The following BACH2 variants were observed in gnomAD, a reference collection of about 807,000 sequenced individuals.
BACH2 encodes transcription regulator protein BACH2.
Under a neutral mutation model 61.8 loss-of-function variants are expected in BACH2, and 5 were observed. That is an observed-to-expected ratio of 0.08 (90% CI 0.04 to 0.17). The LOEUF (loss-of-function observed/expected upper bound fraction) is 0.17. Ranked by LOEUF, BACH2 falls within the 10% of genes least tolerant of loss-of-function variation. The pLI, the probability that BACH2 is intolerant of heterozygous loss-of-function variation, is 1.00. For missense variants in BACH2, 824 were observed against 1,091.1 expected, an observed-to-expected ratio of 0.76 and a Z score of 3.45; for synonymous variants, 446 against 440.1, an observed-to-expected ratio of 1.01 and a Z score of -0.17.
chr6:90,082,047 CAAG>C (rs1393193667), intron 5 of BACH2, among the ~76,000 whole-genome samples: 1 of 152,138 alleles, frequency 6.6e-6, no homozygotes, highest in Non-Finnish European at 1.5e-5. Flanking sequence ...GTTCACAGCA[CAAG>C]AAGGCATATA....
At chr6:90,084,876 A>C (rs1388519349) in intron 5 of BACH2, among the ~76,000 whole-genome samples, 1 of 152,018 alleles carries the variant, frequency 6.6e-6, no homozygotes, top group East Asian at 1.9e-4. Context: ...GAAACCATGG[A>C]TCCTTATAGA....
At chr6:90,183,344 T>C (rs760442537) in intron 4 of BACH2, among the ~76,000 whole-genome samples, 19 of 152,256 alleles carry the variant, frequency 1.2e-4, no homozygotes, top group African/African-American at 2.4e-5. Flanking sequence ...GTTTATGCCT[T>C]GACCAAATGT....
intron 5 of BACH2, among the ~76,000 whole-genome samples, chr6:90,029,572 T>C (rs558494857): frequency 1.3e-5 from 2 of 152,338 alleles, no homozygotes; most frequent in African/African-American, 4.8e-5. Context: ...GTTAATGACC[T>C]ATTTTTCTAT....
chr6:90,294,903 T>C (rs1366885957), intron 1 of BACH2, among the ~76,000 whole-genome samples: 1 of 152,226 alleles, frequency 6.6e-6, no homozygotes, highest in Non-Finnish European at 1.5e-5. Flanking sequence ...AATTTTACTC[T>C]AAACAGACAA....
intron 4 of BACH2, among the ~76,000 whole-genome samples, chr6:90,153,236 A>T (rs1784889541): frequency 6.6e-6 from 1 of 152,194 alleles, no homozygotes; most frequent in Non-Finnish European, 1.5e-5. Context: ...TACTGGTATC[A>T]ATTCATAGTC....
At position 90,039,464 on chromosome 6, in the gene BACH2, A is replaced by C. The variant is rs1025420129; in HGVS notation, c.-12-30608T>G. ...CAGAGGCGCGATCTTGGCTCAGTGC[A>C]ATGTCCGCGTCCCAGGTTCAAGCGA... On this transcript the variant is annotated intron_variant, in intron 5 of 8. Coordinates refer to ENST00000257749, the MANE Select transcript of BACH2 (RefSeq NM_021813.4). 3.7e-4 allele frequency among the ~76,000 whole-genome samples: 57 copies of C among 152,120 alleles called. 1 individual carries two copies. Among genetic ancestry groups the C allele is most frequent in the Admixed American group, 3.1e-3 (48 of 15,278 alleles).
At chr6:90,211,238 GCAAA>G (rs77327981) in intron 3 of BACH2, among the ~76,000 whole-genome samples, 14,964 of 151,472 alleles carry the variant, frequency 0.099, 1,057 homozygotes, top group East Asian at 0.37. Context: ...AGGGCGGCAA[GCAAA>G]CAAAGACACT....
rs548477216 is a variant in BACH2, at chr6:90,276,629, G to A, written c.-445-4688C>T. ...GATTACGCTAAGCAAAAGAGTGAGA[G>A]AGAGAGGAAATTTCAGTAAAATTTT... is the stretch of plus-strand genomic sequence containing the variant. On this transcript the variant is annotated intron_variant, in intron 1 of 8. Coordinates refer to ENST00000257749, the MANE Select transcript of BACH2 (RefSeq NM_021813.4). 3.7e-4 allele frequency among the ~76,000 whole-genome samples: 56 copies of A among 152,314 alleles called. 1 individual carries two copies. Among genetic ancestry groups the A allele is most frequent in the Non-Finnish European group, 7.3e-5 (5 of 68,032 alleles).
chr6:90,205,242 G>A (rs780594074), intron 4 of BACH2, among the ~76,000 whole-genome samples: 2 of 152,040 alleles, frequency 1.3e-5, no homozygotes, highest in Admixed American at 1.3e-4. Context: ...CCAAACCATC[G>A]AACAGGGCTG....
At chr6:90,100,674 C>CCT (rs1220865219) in intron 4 of BACH2, among the ~76,000 whole-genome samples, 1 of 150,446 alleles carries the variant, frequency 6.6e-6, no homozygotes, top group Admixed American at 6.6e-5. Flanking sequence ...CTGTCCCTTT[C>CCT]CTCTCTCTCT....
At chr6:89,956,204 G>T (rs1419657162) in intron 6 of BACH2, among the ~76,000 whole-genome samples, 1 of 152,152 alleles carries the variant, frequency 6.6e-6, no homozygotes, top group Non-Finnish European at 1.5e-5. Context: ...ACTTAAATAT[G>T]TAACTACCTG....
At chr6:89,988,632 G>A (rs891956084) in intron 6 of BACH2, among the ~76,000 whole-genome samples, 2 of 152,174 alleles carry the variant, frequency 1.3e-5, no homozygotes, top group Non-Finnish European at 2.9e-5. Flanking sequence ...GTTGGAGGAC[G>A]CAAGACAATG....
intron 3 of BACH2, among the ~76,000 whole-genome samples, chr6:90,215,217 A>C (rs1375236354): frequency 2.6e-5 from 4 of 152,124 alleles, no homozygotes; most frequent in Non-Finnish European, 5.9e-5. Context: ...AAAACAGTTG[A>C]AGTTATACCA....
intron 6 of BACH2, among the ~76,000 whole-genome samples, chr6:89,970,729 C>A (rs115682683): frequency 1.3e-5 from 2 of 152,250 alleles, no homozygotes; most frequent in East Asian, 3.9e-4. Context: ...CAAGCACTGC[C>A]GAGCTGGCTG....
intron 4 of BACH2, among the ~76,000 whole-genome samples, chr6:90,186,587 AT>A (rs1768364202): frequency 6.6e-6 from 1 of 152,206 alleles, no homozygotes; most frequent in African/African-American, 2.4e-5. Context: ...TTTCAAGGTT[AT>A]CGTAAAATAT....
intron 6 of BACH2, among the ~76,000 whole-genome samples, chr6:89,992,852 T>A (rs920894935): frequency 2.6e-5 from 4 of 152,338 alleles, no homozygotes; most frequent in Middle Eastern, 3.4e-3. Context: ...TAGTAGGTTG[T>A]TATAAAGTTT....
At chr6:90,243,830 A>T (rs886931162) in intron 3 of BACH2, among the ~76,000 whole-genome samples, 2 of 152,232 alleles carry the variant, frequency 1.3e-5, no homozygotes, top group Non-Finnish European at 1.5e-5. Flanking sequence ...GAAGAAAACC[A>T]TTAGAAGGCA....
chr6:90,117,463 C>CTT (rs3072652), intron 4 of BACH2, among the ~76,000 whole-genome samples: 31,215 of 141,452 alleles, frequency 0.22, 4,862 homozygotes, highest in African/African-American at 0.42. Flanking sequence ...GTTAGCTTGA[C>CTT]TTTTTTTTTT....
chr6:90,234,054 T>C (rs1260037105), intron 3 of BACH2, among the ~76,000 whole-genome samples: 1 of 152,170 alleles, frequency 6.6e-6, no homozygotes, highest in Non-Finnish European at 1.5e-5. Context: ...ATGAGAACAC[T>C]CTCGGCCCCT....
Sources: allele counts gnomAD v4.1 joint callset (sites outside exome capture counted in the v4.1 genomes callset), GRCh38; gene constraint gnomAD v4.1.1; transcripts MANE v1.5; gene names NCBI Gene and HGNC (gene_info 2026-07-23, HGNC 2026-07-21).